The following AMOTL1 variants were observed in gnomAD, a reference collection of about 807,000 sequenced individuals.
The protein encoded by AMOTL1 is angiomotin-like protein 1.
AMOTL1 carries 45 observed loss-of-function variants against 102.9 expected under a neutral mutation model. The observed-to-expected ratio is 0.44, with a 90% CI of 0.34 to 0.56. AMOTL1 has a LOEUF of 0.56. AMOTL1 is among the 20% of genes least tolerant of loss of function. AMOTL1 has a pLI of 0.01. For synonymous variants in AMOTL1, 481 were observed against 484.7 expected (o/e 0.99, Z 0.10); for missense variants, 1,114 against 1,225.6 (o/e 0.91, Z 1.36).
rs118130646 is a variant in AMOTL1, at chr11:94,850,964, C to A, written c.1794+705C>A. Among the ~76,000 whole-genome samples, 272 of 152,304 alleles carry A rather than the reference C, an allele frequency of 1.8e-3. 4 individuals are homozygous for A. Among genetic ancestry groups the A allele is most frequent in the African/African-American group, 6.4e-3 (264 of 41,560 alleles). On this transcript the variant is annotated intron_variant, in intron 7 of 12. Transcript: ENST00000433060. ...AAAACTGTCTCTTCAGAAAACCTCC[C>A]CCGATGCTAAGTAACAGGGATGTTT...
Position 94,799,858 on chromosome 11 carries a change from G to C in AMOTL1, c.668G>C (p.Gly223Ala). The C allele has an allele frequency of 6.3e-7, 1 of 1,590,796 alleles. No homozygotes were observed. Among genetic ancestry groups the C allele is most frequent in the Non-Finnish European group, 8.6e-7 (1 of 1,168,122 alleles). The change falls in exon 3 of 13, where the codon GGC becomes GCC. Residue 223 changes from glycine (G) to alanine (A), a missense_variant. Transcript: ENST00000433060. The surrounding 1 kb of genome is among the most constrained non-coding windows in gnomAD (Gnocchi z 4.5). ...GGCCATGGTTACTACATGGCAGGGG[G>C]CACCAGTCAGAAGTCCCGAACTGAG... ...AVGHGYYMAG[G>A]TSQKSRTEGR...
At chr11:94,730,350 C>A (rs1322801455) in intron 2 of AMOTL1, among the ~76,000 whole-genome samples, 3 of 152,148 alleles carry the variant, frequency 2.0e-5, no homozygotes, top group Non-Finnish European at 2.9e-5. Context: ...CTATTATCAT[C>A]TCTCTTCCAC....
chr11:94,796,817 C>A (rs1417003609), intron 2 of AMOTL1, among the ~76,000 whole-genome samples: 6 of 152,096 alleles, frequency 3.9e-5, no homozygotes, highest in African/African-American at 7.2e-5. Context: ...TGATCCTTGA[C>A]AGTTCTTGCC....
intron 6 of AMOTL1, among the ~76,000 whole-genome samples, chr11:94,846,709 G>C (rs970989031): frequency 6.6e-6 from 1 of 152,128 alleles, no homozygotes. Context: ...TGGAGAGGAG[G>C]GGCAGTACAG....
At chr11:94,797,861 ACC>A (rs1951396874) in intron 2 of AMOTL1, among the ~76,000 whole-genome samples, 1 of 152,224 alleles carries the variant, frequency 6.6e-6, no homozygotes, top group African/African-American at 2.4e-5. Context: ...TACCTGCTAC[ACC>A]ATATGATAGA....
intron 3 of AMOTL1, among the ~76,000 whole-genome samples, chr11:94,754,131 C>A (rs1950691731): frequency 6.6e-6 from 1 of 152,154 alleles, no homozygotes; most frequent in Non-Finnish European, 1.5e-5. Context: ...GAGTGCCCAG[C>A]ACATATTTGG....
intron 2 of AMOTL1, among the ~76,000 whole-genome samples, chr11:94,733,376 C>T (rs1402856087): frequency 6.6e-6 from 1 of 152,242 alleles, no homozygotes. Context: ...TCTGTTTCAA[C>T]TGTCGTTTTA....
In AMOTL1 at chr11:94,727,411, A is replaced by T. The variant is rs184553049; in HGVS notation, c.-50-1510A>T. Among the ~76,000 whole-genome samples the T allele has an allele frequency of 4.9e-3, 741 of 152,238 alleles. 21 individuals carry two copies. Among genetic ancestry groups the T allele is most frequent in the East Asian group, 2.3e-3 (12 of 5,180 alleles). On this transcript the variant is annotated intron_variant, in intron 1 of 4. Transcript: ENST00000299004. Reference sequence around the variant, plus strand: ...ACTCCAGACATGTTTTTAGTTTTGCACAGAGAACGTGTCTGGTTCAATGGC... The same window carrying T: ...ACTCCAGACATGTTTTTAGTTTTGCTCAGAGAACGTGTCTGGTTCAATGGC...
chr11:94,790,068 A>T (rs1386975149), intron 1 of AMOTL1, among the ~76,000 whole-genome samples: 1 of 152,150 alleles, frequency 6.6e-6, no homozygotes, highest in Non-Finnish European at 1.5e-5. Context: ...CCCTCATCTT[A>T]CGGAGCTGAA....
chr11:94,837,341 G>C (rs1952205259), intron 6 of AMOTL1, among the ~76,000 whole-genome samples: 1 of 152,206 alleles, frequency 6.6e-6, no homozygotes, highest in Non-Finnish European at 1.5e-5. Flanking sequence ...GACAGGAAAT[G>C]TGAAGCAGAG....
At chr11:94,733,373 C>T (rs1202138056) in intron 2 of AMOTL1, among the ~76,000 whole-genome samples, 1 of 152,234 alleles carries the variant, frequency 6.6e-6, no homozygotes, top group Non-Finnish European at 1.5e-5. Flanking sequence ...TCATCTGTTT[C>T]AACTGTCGTT....
intron 1 of AMOTL1, among the ~76,000 whole-genome samples, chr11:94,724,193 T>C (rs1261517354): frequency 6.6e-6 from 1 of 152,158 alleles, no homozygotes; most frequent in Non-Finnish European, 1.5e-5. Flanking sequence ...CCTCTACTTG[T>C]AACCAAGATG....
chr11:94,870,796 C>A lies in AMOTL1; in HGVS notation c.*1C>A. 1 of 1,585,892 alleles carries A rather than the reference C, an allele frequency of 6.3e-7. No homozygotes were observed. Among genetic ancestry groups the A allele is most frequent in the Non-Finnish European group, 8.6e-7 (1 of 1,163,752 alleles). The stretch of plus-strand genomic sequence containing the variant: ...AGAGATGATGGAAGTCCTCATCTAA[C>A]TGCCATCCCTGTGGAATTTCAGTAC... On this transcript the variant is annotated 3_prime_UTR_variant, in exon 13 of 13. Transcript: ENST00000433060.
chr11:94,778,394 A>G (rs1951057908), intron 1 of AMOTL1, among the ~76,000 whole-genome samples: 1 of 152,166 alleles, frequency 6.6e-6, no homozygotes, highest in Non-Finnish European at 1.5e-5. Context: ...GTAATTATCT[A>G]TGGAGCTTAA....
At chr11:94,747,753 T>A (rs1424479683) in intron 3 of AMOTL1, among the ~76,000 whole-genome samples, 1 of 152,240 alleles carries the variant, frequency 6.6e-6, no homozygotes, top group African/African-American at 2.4e-5. Flanking sequence ...TTAAGGACCC[T>A]GGCTTCTTCC....
intron 4 of AMOTL1, among the ~76,000 whole-genome samples, chr11:94,827,753 C>G (rs1256006087): frequency 6.6e-6 from 1 of 152,192 alleles, no homozygotes; most frequent in Non-Finnish European, 1.5e-5. Flanking sequence ...TAAGCAGAAG[C>G]CCCCGTGCTC....
chr11:94,793,287 T>A (rs1489659068), intron 1 of AMOTL1, among the ~76,000 whole-genome samples: 2 of 152,140 alleles, frequency 1.3e-5, no homozygotes, highest in African/African-American at 4.8e-5. Context: ...TTACTCTGAT[T>A]TGGTAGGAGG....
At position 94,850,177 on chromosome 11, in the gene AMOTL1, G is replaced by T. The variant is rs1004430702; in HGVS notation, c.1712G>T (p.Ser571Ile). ...GAGTTAGCAGCAGTGCGGACTGCAA[G>T]TGAGGACCATCGGAGACACATCGAG... ...EMELAAVRTA[S>I]EDHRRHIEIL... The change falls in exon 7 of 13, where the codon AGT (serine) becomes ATT (isoleucine). Residue 571 changes from serine (S) to isoleucine (I), a missense_variant. Ser to Ile is a moderately radical substitution (Grantham distance 142). Transcript: ENST00000433060. 6.3e-7 allele frequency: 1 copy of T among 1,592,544 alleles called. No homozygotes were observed. Among genetic ancestry groups the T allele is most frequent in the Non-Finnish European group, 8.6e-7 (1 of 1,169,148 alleles).
chr11:94,803,838 A>T (rs1273374503), intron 3 of AMOTL1, among the ~76,000 whole-genome samples: 1 of 152,214 alleles, frequency 6.6e-6, no homozygotes, highest in Admixed American at 6.5e-5. Flanking sequence ...TAGAGATGCT[A>T]AAAAAATTAC....
Sources: allele counts gnomAD v4.1 joint callset (sites outside exome capture counted in the v4.1 genomes callset), GRCh38; gene constraint gnomAD v4.1.1; non-coding constraint Gnocchi (gnomAD v3.1); transcripts MANE v1.5; gene names NCBI Gene and HGNC (gene_info 2026-07-23, HGNC 2026-07-21).